Variants in MCTP2 observed in about 807,000 individuals in gnomAD.
MCTP2 encodes the protein multiple C2 and transmembrane domain containing 2, also known as multiple C2 and transmembrane domain-containing protein 2.
MCTP2 carries 132 observed loss-of-function variants against 111.6 expected under a neutral mutation model. The observed-to-expected ratio is 1.18, with a 90% confidence interval of 1.03 to 1.37. The LOEUF is 1.37. MCTP2 is among the 40% of genes most tolerant of loss of function. MCTP2 has a pLI of 0.00. For synonymous variants in MCTP2, 395 were observed against 387.7 expected, an observed-to-expected ratio of 1.02 and a Z score of -0.22; for missense variants, 1,183 against 1,067.9, an observed-to-expected ratio of 1.11 and a Z score of -1.50.
At chr15:94,243,826 T>C (rs1330162584) in intron 1 of MCTP2, among the ~76,000 whole-genome samples, 1 of 148,282 alleles carries the variant, frequency 6.7e-6, no homozygotes, top group African/African-American at 2.5e-5. Flanking sequence ...TGTATACACA[T>C]ATGTATATAT....
chr15:94,449,848 T>C (rs2152519132), intron 19 of MCTP2, among the ~76,000 whole-genome samples: 2 of 152,310 alleles, frequency 1.3e-5, no homozygotes, highest in South Asian at 4.1e-4. Context: ...CTGCCACCCC[T>C]GGTATATTTA....
At chr15:94,329,392 T>C (rs2077034286) in intron 4 of MCTP2, among the ~76,000 whole-genome samples, 1 of 152,206 alleles carries the variant, frequency 6.6e-6, no homozygotes, top group Non-Finnish European at 1.5e-5. Context: ...GACTGGATAA[T>C]TTATAAAGAT....
intron 20 of MCTP2, among the ~76,000 whole-genome samples, chr15:94,461,286 C>T (rs2085189844): frequency 1.3e-5 from 2 of 152,046 alleles, no homozygotes; most frequent in South Asian, 4.2e-4. Flanking sequence ...ATGGTGAAAC[C>T]CCGTCTCTAC....
At chr15:94,334,713 CTT>C (rs113211374) in intron 4 of MCTP2, among the ~76,000 whole-genome samples, 1 of 147,306 alleles carries the variant, frequency 6.8e-6, no homozygotes, top group African/African-American at 2.5e-5. Context: ...TTTTTTGAAA[CTT>C]TTTTTTTTTC....
rs191529554 is a variant in MCTP2 at position 94,393,708 on chromosome 15, T to G, written c.1789-5253T>G. Among the ~76,000 whole-genome samples, 210 of 152,246 alleles carry G rather than the reference T, an allele frequency of 1.4e-3. 1 individual carries two copies. The highest frequency in any genetic ancestry group is 4.5e-3 in the African/African-American group (186 of 41,564). On this transcript the variant is annotated intron_variant, in intron 14 of 22. Transcript: ENST00000357742. ...TATCACTAGTACAGTATATACATTT[T>G]CTTTAATCAATAAGGAAAATACAAG...
intron 16 of MCTP2, among the ~76,000 whole-genome samples, chr15:94,400,697 C>T (rs959409554): frequency 6.6e-6 from 1 of 150,394 alleles, no homozygotes. Context: ...TTGTACCTAT[C>T]GTCCCTCTTC....
At position 94,340,950 on chromosome 15, in the gene MCTP2, A is replaced by T. The variant is rs371993911; in HGVS notation, c.969+26A>T. On this transcript the variant is annotated intron_variant, in intron 7 of 22. Transcript: ENST00000357742. ...GTAAGTGGGACCTTCTATTCTTTTGAAACCTCTCATTTTGTCGTTTTGAAA... is the reference window on the plus strand; with the variant it reads ...GTAAGTGGGACCTTCTATTCTTTTGTAACCTCTCATTTTGTCGTTTTGAAA... The T allele has an allele frequency of 4.5e-4, 650 of 1,432,468 alleles. 14 individuals are homozygous for T. In the South Asian group the frequency reaches 7.1e-3, roughly 16 times the overall value. The allele number at this position is 1,432,468 out of a possible 1,614,324, so 88.7% of individuals were successfully genotyped here.
At position 94,479,455 on chromosome 15, in the gene MCTP2, T is replaced by C; in HGVS notation, c.*421T>C. ...TCCGCTCCCCAGCCCCACACTCCTT[T>C]CAGATTATCGTTCATGGGCGTAAGT... On this transcript the variant is annotated 3_prime_UTR_variant, in exon 23 of 23. Coordinates refer to ENST00000357742, the MANE Select transcript of MCTP2 (RefSeq NM_001385001.1). 1 of 187,040 alleles carries C rather than the reference T, an allele frequency of 5.3e-6. No individual in the cohort carries two copies. Among genetic ancestry groups the C allele is most frequent in the East Asian group, 1.3e-4 (1 of 7,724 alleles). 11.6% of individuals were successfully genotyped at this position (187,040 alleles called of 1,614,324 possible). A position where few individuals can be genotyped will look rare whatever the true frequency, so the allele number is the denominator to read the frequency against.
At chr15:94,405,710 G>T (rs893928078) in intron 17 of MCTP2, among the ~76,000 whole-genome samples, 1 of 152,168 alleles carries the variant, frequency 6.6e-6, no homozygotes, top group Non-Finnish European at 1.5e-5. Flanking sequence ...TTTGTAGGGT[G>T]GTCAGACCAT....
intron 4 of MCTP2, among the ~76,000 whole-genome samples, chr15:94,338,181 G>C (rs1317731117): frequency 6.6e-6 from 1 of 152,112 alleles, no homozygotes; most frequent in Non-Finnish European, 1.5e-5. Flanking sequence ...GCCTATCTTG[G>C]GTACTGTCCA....
At chr15:94,243,776 A>AT (rs2071366522) in intron 1 of MCTP2, among the ~76,000 whole-genome samples, 1 of 146,078 alleles carries the variant, frequency 6.8e-6, no homozygotes, top group Non-Finnish European at 1.5e-5. Context: ...TATATTTATG[A>AT]ACATATATAT....
At chr15:94,318,203 T>A (rs1024358687) in intron 4 of MCTP2, among the ~76,000 whole-genome samples, 2 of 151,996 alleles carry the variant, frequency 1.3e-5, no homozygotes, top group Non-Finnish European at 2.9e-5. Context: ...GTATTTTACA[T>A]TACTAGGAAG....
intron 4 of MCTP2, among the ~76,000 whole-genome samples, chr15:94,336,106 T>C (rs1292598849): frequency 6.6e-6 from 1 of 152,244 alleles, no homozygotes; most frequent in East Asian, 1.9e-4. Flanking sequence ...TACAACTTTA[T>C]TTCTCATTAT....
intron 10 of MCTP2, among the ~76,000 whole-genome samples, chr15:94,361,455 C>T (rs533511255): frequency 6.6e-6 from 1 of 152,152 alleles, no homozygotes; most frequent in African/African-American, 2.4e-5. Flanking sequence ...ACAGTGATTC[C>T]CTGTGGAGTC....
At chr15:94,436,879 G>C (rs1008168727) in intron 17 of MCTP2, among the ~76,000 whole-genome samples, 1 of 151,374 alleles carries the variant, frequency 6.6e-6, no homozygotes, top group Admixed American at 6.6e-5. Context: ...CCCAAAAAAC[G>C]TAACAATAGG....
chr15:94,368,651 A>G (rs2079325439), intron 11 of MCTP2, among the ~76,000 whole-genome samples: 1 of 152,214 alleles, frequency 6.6e-6, no homozygotes, highest in Non-Finnish European at 1.5e-5. Context: ...CTCATTGTCA[A>G]TGCAGAGTGC....
At position 94,476,712 on chromosome 15, in the gene MCTP2, TAAG is replaced by T. The variant is rs759847297; in HGVS notation, c.2491_2493del (p.Lys831del). The T allele has an allele frequency of 4.4e-6, 7 of 1,592,310 alleles. No homozygotes were observed. The highest frequency in any genetic ancestry group is 1.7e-4 in the Middle Eastern group (1 of 6,036). On this transcript the variant is annotated inframe_deletion, in exon 22 of 23. Transcript: ENST00000357742. The stretch of plus-strand genomic sequence containing the variant: ...ATTTTTCAGGCATAAATAAATTTAC[TAAG>T]AAGCTTCGAAATCCCTATTCCATCG...
chr15:94,252,380 A>G (rs1429764386), intron 1 of MCTP2, among the ~76,000 whole-genome samples: 1 of 152,210 alleles, frequency 6.6e-6, no homozygotes, highest in African/African-American at 2.4e-5. Flanking sequence ...GATATTGAGT[A>G]TAACGTTTTT....
At chr15:94,476,930 G>A (rs2074413415) in intron 22 of MCTP2, 137 bp downstream of exon 22, 1 of 584,410 alleles carries the variant, frequency 1.7e-6, no homozygotes, top group Non-Finnish European at 3.0e-6. Context: ...GGCCTGGCTT[G>A]CAGAGAAGTG....
Sources: gnomAD v4.1 joint callset for allele counts (sites outside exome capture counted in the v4.1 genomes callset) on GRCh38, gnomAD v4.1.1 for gene constraint, MANE v1.5 for transcripts, NCBI Gene and HGNC (gene_info 2026-07-23, HGNC 2026-07-21) for gene names.